The following LMF1 variants were observed in gnomAD, a reference collection of about 807,000 sequenced individuals.
LMF1 encodes the protein lipase maturation factor 1, also known as transmembrane protein 112.
In LMF1, 68 loss-of-function variants were observed where a neutral mutation model predicts 60.6. That is an observed-to-expected ratio of 1.12 (90% CI 0.92 to 1.37). The LOEUF (loss-of-function observed/expected upper bound fraction) is 1.37, where lower values mean the gene tolerates loss of function less well. Ranked by LOEUF, LMF1 falls within the 40% of genes most tolerant of loss-of-function variation. The pLI, the probability that LMF1 is intolerant of heterozygous loss-of-function variation, is 0.00. For synonymous variants in LMF1, 418 were observed against 324.7 expected (o/e 1.29, Z -3.09); for missense variants, 948 against 767.2 (o/e 1.24, Z -2.78).
chr16:858,067 G>C (rs1371526769), intron 10 of LMF1, among the ~76,000 whole-genome samples: 8 of 100,896 alleles, frequency 7.9e-5, no homozygotes, highest in African/African-American at 4.4e-4. Flanking sequence ...GGTGTCTCGG[G>C]ATGGGTGTGA....
At position 869,795 on chromosome 16, in the gene LMF1, C is replaced by T. The variant is rs2069722822; in HGVS notation, c.1416+88G>A. ...CAGCCTCCCTCCCCACCAGCCCCTT[C>T]AGTGGGCGTTCTAGAAACCTGCCAT... On this transcript the variant is annotated intron_variant, in intron 9 of 10. Transcript: ENST00000262301. 2.2e-6 allele frequency: 3 copies of T among 1,358,500 alleles called. No individual in the cohort carries two copies. The South Asian group carries it at 3.9e-5, about 18-fold the overall frequency. The allele number at this position is 1,358,500 out of a possible 1,614,324, so 84.2% of individuals were successfully genotyped here.
At chr16:941,527 T>A (rs530361259) in intron 2 of LMF1, among the ~76,000 whole-genome samples, 1 of 152,352 alleles carries the variant, frequency 6.6e-6, no homozygotes, top group South Asian at 2.1e-4. Context: ...CTGGCCTGAT[T>A]CTAAATCTCT....
At chr16:921,478 G>C (rs894704484) in intron 3 of LMF1, among the ~76,000 whole-genome samples, 2 of 151,550 alleles carry the variant, frequency 1.3e-5, no homozygotes, top group Admixed American at 6.5e-5. Context: ...GGAGTGTGTG[G>C]GGGCAGGGAC....
rs767942772 is a variant in LMF1, at chr16:871,324, G to A, written c.915C>T (p.Ser305=). Residue 305 remains serine (S), a synonymous_variant, in exon 7 of 11, where the codon AGC becomes AGT. Coordinates refer to ENST00000262301, the MANE Select transcript of LMF1 (RefSeq NM_022773.4). ...QILFQAVLIV[S]GNLSFLNWLT... ...GCCAGTTCAGGAAGCTGAGGTTCCC[G>A]CTGACGATGAGGACGGCCTGTGGAG... is the stretch of plus-strand genomic sequence containing the variant. 13 of 1,612,198 alleles carry A rather than the reference G, an allele frequency of 8.1e-6. No homozygotes were observed. Among genetic ancestry groups the A allele is most frequent in the South Asian group, 3.3e-5 (3 of 91,024 alleles).
rs1241652312 is a variant in LMF1, at chr16:853,832, G to T, written c.*700C>A. The T allele has an allele frequency of 2.2e-6, 1 of 454,006 alleles. No individual in the cohort carries two copies. The highest frequency in any genetic ancestry group is 4.4e-6 in the Non-Finnish European group (1 of 226,792). The allele number at this position is 454,006 out of a possible 1,614,324, so 28.1% of individuals were successfully genotyped here. On this transcript the variant is annotated 3_prime_UTR_variant, in exon 11 of 11. Coordinates refer to ENST00000262301, the MANE Select transcript of LMF1 (RefSeq NM_022773.4). ...CAGCGAGGTCACAGCCTGGTGGAGGGTCTGGGTGTGCGCTGTGTCCATCTG... is the reference window on the plus strand; with the variant it reads ...CAGCGAGGTCACAGCCTGGTGGAGGTTCTGGGTGTGCGCTGTGTCCATCTG...
At chr16:978,986 C>T (rs535621477) in intron 1 of LMF1, 1 of 454,024 alleles carries the variant, frequency 2.2e-6, no homozygotes, top group East Asian at 6.9e-5. Flanking sequence ...GACCATCCTT[C>T]CTGAAGTCCC....
intron 5 of LMF1, among the ~76,000 whole-genome samples, chr16:881,255 G>A (rs1176877565): frequency 6.6e-6 from 1 of 152,142 alleles, no homozygotes; most frequent in African/African-American, 2.4e-5. Flanking sequence ...GGGCTGGGGA[G>A]GGTCCTGAGG....
intron 1 of LMF1, among the ~76,000 whole-genome samples, chr16:966,001 G>A (rs1313741435): frequency 2.6e-5 from 4 of 152,158 alleles, no homozygotes; most frequent in South Asian, 2.1e-4. Flanking sequence ...AATATCAGCC[G>A]CAAAGGAAGC....
At chr16:941,121 A>G (rs999336811) in intron 2 of LMF1, among the ~76,000 whole-genome samples, 2 of 152,132 alleles carry the variant, frequency 1.3e-5, no homozygotes, top group Non-Finnish European at 2.9e-5. Context: ...CAGTATATTT[A>G]TGTAGTCTAT....
Position 896,408 on chromosome 16 carries a change from C to T in LMF1, c.664-3336G>A, listed in dbSNP as rs146201515. 5.5e-3 allele frequency among the ~76,000 whole-genome samples: 844 copies of T among 152,324 alleles called. 10 individuals carry two copies. Among genetic ancestry groups the T allele is most frequent in the African/African-American group, 0.019 (794 of 41,560 alleles). ...CCTGTGCCCCCAACGACAGGGAGGGCGCCGAACACCCGGGAGTGTTACTGT... is the reference window on the plus strand; with the variant it reads ...CCTGTGCCCCCAACGACAGGGAGGGTGCCGAACACCCGGGAGTGTTACTGT... On this transcript the variant is annotated intron_variant, in intron 4 of 10. Transcript: ENST00000262301.
At chr16:893,882 G>A (rs1173993356) in intron 4 of LMF1, among the ~76,000 whole-genome samples, 1 of 152,114 alleles carries the variant, frequency 6.6e-6, no homozygotes, top group Non-Finnish European at 1.5e-5. Flanking sequence ...ACTGGTGCAT[G>A]GGAGGTGAAA....
chr16:914,977 C>A (rs868285935), intron 3 of LMF1, among the ~76,000 whole-genome samples: 5 of 152,262 alleles, frequency 3.3e-5, no homozygotes, highest in South Asian at 2.1e-4. Context: ...CCTAAATCGG[C>A]GTCTCTAAGG....
chr16:938,908 G>C (rs2072018341), intron 2 of LMF1, among the ~76,000 whole-genome samples: 2 of 152,230 alleles, frequency 1.3e-5, no homozygotes, highest in South Asian at 4.1e-4. Flanking sequence ...ACCTAAGGCA[G>C]CAATGAAAAT....
At chr16:911,188 T>C in intron 3 of LMF1, 109 bp from the exon 4 acceptor site, 1 of 1,284,246 alleles carries the variant, frequency 7.8e-7, no homozygotes, top group South Asian at 1.3e-5. Flanking sequence ...ACAGGGCTGA[T>C]CTTGCTACTG....
intron 5 of LMF1, chr16:887,037 G>A (rs2070328774): frequency 6.6e-6 from 1 of 151,948 alleles, no homozygotes; most frequent in Non-Finnish European, 1.5e-5. Flanking sequence ...TTCCCCTAAT[G>A]GTGACATTTA....
chr16:887,619 G>T (rs1316345844), intron 5 of LMF1, among the ~76,000 whole-genome samples: 1 of 152,152 alleles, frequency 6.6e-6, no homozygotes, highest in Non-Finnish European at 1.5e-5. Flanking sequence ...CAGAACTCTG[G>T]GAGCCCAGCC....
chr16:874,393 G>A lies in LMF1; in HGVS notation c.898-3052C>T, dbSNP rs544878011. Among the ~76,000 whole-genome samples, 16 of 152,274 alleles carry A rather than the reference G, an allele frequency of 1.1e-4. No homozygotes were observed. Among genetic ancestry groups the A allele is most frequent in the Non-Finnish European group, 1.3e-4 (9 of 68,008 alleles). On this transcript the variant is annotated intron_variant, in intron 6 of 10. Transcript: ENST00000262301. The surrounding 1 kb of genome is among the most constrained non-coding windows in gnomAD (Gnocchi z 4.1). Reference sequence around the variant, plus strand: ...GCCGGACAGCCCGCTGTGGGCAGGCGCCTCAGAGGTTCCAGACCTGAGCTC... The same window carrying A: ...GCCGGACAGCCCGCTGTGGGCAGGCACCTCAGAGGTTCCAGACCTGAGCTC...
chr16:857,060 G>C (rs1245554047), intron 10 of LMF1, among the ~76,000 whole-genome samples: 1 of 152,244 alleles, frequency 6.6e-6, no homozygotes, highest in Non-Finnish European at 1.5e-5. Flanking sequence ...CGATTCTCAC[G>C]CCAATTCTCA....
Position 870,041 on chromosome 16 carries a change from T to A in LMF1, c.1258A>T (p.Ile420Phe). 6.2e-7 allele frequency: 1 copy of A among 1,611,250 alleles called. No individual in the cohort carries two copies. Among genetic ancestry groups the A allele is most frequent in the Non-Finnish European group, 8.5e-7 (1 of 1,179,732 alleles). The change falls in exon 9 of 11, where the codon ATC becomes TTC. Residue 420 changes from isoleucine to phenylalanine, a missense_variant. By Grantham distance (21) the Ile-to-Phe change is conservative. Transcript: ENST00000262301. ...GSITKERAEV[I>F]LQGTASSNAS... The stretch of plus-strand genomic sequence containing the variant: ...TTGGAGCTGGCTGTGCCCTGCAGGA[T>A]CACCTCCGCCCGCTCCTTGGTGATG...
Sources: allele counts gnomAD v4.1 joint callset (sites outside exome capture counted in the v4.1 genomes callset), GRCh38; gene constraint gnomAD v4.1.1; non-coding constraint Gnocchi (gnomAD v3.1); transcripts MANE v1.5; gene names NCBI Gene and HGNC (gene_info 2026-07-23, HGNC 2026-07-21).